DISC1: variants seen among roughly 807,000 people sequenced by gnomAD.
The protein encoded by DISC1 is disrupted in schizophrenia 1 protein.
A neutral mutation model predicts 84.5 loss-of-function variants in DISC1; 57 were observed. That is an observed-to-expected ratio of 0.67 (90% CI 0.55 to 0.84). The LOEUF (loss-of-function observed/expected upper bound fraction) is 0.84. Among genes scored for constraint, DISC1 ranks in the 40% least tolerant of loss-of-function variants. The probability of loss-of-function intolerance (pLI) is 0.00; values close to 1 mark genes in which losing one functional copy is unlikely to be tolerated. For synonymous variants in DISC1, 411 were observed against 415.2 expected (o/e 0.99, Z 0.12); for missense variants, 1,000 against 1,057.8 (o/e 0.95, Z 0.76).
chr1:231,970,150 T>C lies in DISC1; in HGVS notation c.2042+11262T>C, dbSNP rs567129672. Among the ~76,000 whole-genome samples, 3 of 152,312 alleles carry C rather than the reference T, an allele frequency of 2.0e-5. No individual in the cohort carries two copies. In the East Asian group the frequency reaches 5.8e-4, roughly 29 times the overall value. On this transcript the variant is annotated intron_variant, in intron 10 of 12. Coordinates refer to ENST00000439617, the MANE Select transcript of DISC1 (RefSeq NM_018662.3). Reference sequence around the variant, plus strand: ...TGGCTGGGTCAAATGGTATTTCTAGTTCTAGATCCCTGAGGAATTGCCACA... The same window carrying C: ...TGGCTGGGTCAAATGGTATTTCTAGCTCTAGATCCCTGAGGAATTGCCACA...
chr1:231,976,813 A>G (rs1662877664), intron 10 of DISC1, among the ~76,000 whole-genome samples: 1 of 152,246 alleles, frequency 6.6e-6, no homozygotes, highest in African/African-American at 2.4e-5. Context: ...AGACTGATTC[A>G]GACATTTTTC....
intron 9 of DISC1, among the ~76,000 whole-genome samples, chr1:231,861,601 T>G (rs16855292): frequency 0.033 from 5,007 of 152,216 alleles, 127 homozygotes; most frequent in African/African-American, 0.065. Context: ...GTAGCCACTA[T>G]ATCTTGAGTA....
Position 231,698,543 on chromosome 1 carries a change from T to C in DISC1, c.1048-3412T>C, listed in dbSNP as rs1238740667. 6.6e-6 allele frequency among the ~76,000 whole-genome samples: 1 copy of C among 152,164 alleles called. No homozygotes were observed. The highest frequency in any genetic ancestry group is 2.4e-5 in the African/African-American group (1 of 41,424). The stretch of plus-strand genomic sequence containing the variant: ...CAGGGTTGTGGCACAGTGCAAGACA[T>C]GGCCACTGGGGCTGTGCCTCCAGCA... On this transcript the variant is annotated intron_variant, in intron 2 of 12. Coordinates refer to ENST00000439617, the MANE Select transcript of DISC1 (RefSeq NM_018662.3). The surrounding 1 kb of genome is among the most constrained non-coding windows in gnomAD (Gnocchi z 4.9).
chr1:231,702,680 C>A, intron 3 of DISC1: 1 of 880,230 alleles, frequency 1.1e-6, no homozygotes, highest in Non-Finnish European at 1.4e-6. Flanking sequence ...AATGAGGCAC[C>A]AAAATAGAAG....
chr1:232,009,037 T>C lies in DISC1; in HGVS notation c.2295T>C (p.Gly765=), dbSNP rs367543098. 2 of 1,613,764 alleles carry C rather than the reference T, an allele frequency of 1.2e-6. No homozygotes were observed. The highest frequency in any genetic ancestry group is 1.7e-6 in the Non-Finnish European group (2 of 1,179,792). The change falls in exon 11 of 13, where the codon GGT becomes GGC. Residue 765 remains glycine, a synonymous_variant. Transcript: ENST00000439617. This position sits in a 1 kb window ranked among gnomAD's most constrained non-coding sequence, Gnocchi z 4.6. The stretch of plus-strand genomic sequence containing the variant: ...TCCCCTCTCTGCACTGTGCTGGAGG[T>C]GAACAGAAAGAGGTCTGTCCTTTTC... ...HLIPSLHCAG[G]EQKEESYILS... is the part of the protein sequence containing the mutation.
chr1:231,783,167 C>T (rs1283482973), intron 6 of DISC1, among the ~76,000 whole-genome samples: 1 of 152,012 alleles, frequency 6.6e-6, no homozygotes, highest in Non-Finnish European at 1.5e-5. Flanking sequence ...GGGTTGAACT[C>T]ACTTGAGTTT....
chr1:231,704,038 AGG>A (rs2066728196), intron 3 of DISC1, among the ~76,000 whole-genome samples: 1 of 152,188 alleles, frequency 6.6e-6, no homozygotes, highest in Non-Finnish European at 1.5e-5. Context: ...GCATCCTGGT[AGG>A]CACAGGACAC....
chr1:231,881,706 C>G (rs766228176), intron 9 of DISC1, among the ~76,000 whole-genome samples: 1 of 152,176 alleles, frequency 6.6e-6, no homozygotes, highest in Non-Finnish European at 1.5e-5. Context: ...GCAGGTGACT[C>G]TAACTAGTGC....
intron 1 of DISC1, among the ~76,000 whole-genome samples, chr1:231,637,650 C>A (rs531873585): frequency 6.6e-6 from 1 of 151,902 alleles, no homozygotes; most frequent in African/African-American, 2.4e-5. Context: ...CCAGTTCCAT[C>A]GATGTTGTTG....
At chr1:231,667,477 TC>T (rs1401968016) in intron 1 of DISC1, among the ~76,000 whole-genome samples, 1 of 152,210 alleles carries the variant, frequency 6.6e-6, no homozygotes, top group Non-Finnish European at 1.5e-5. Context: ...TGTGTTCACT[TC>T]CCCTGGATGT....
intron 1 of DISC1, among the ~76,000 whole-genome samples, chr1:231,669,114 G>C (rs1193251737): frequency 6.6e-6 from 1 of 152,188 alleles, no homozygotes; most frequent in Non-Finnish European, 1.5e-5. Flanking sequence ...CCTCAAGTTG[G>C]TTGAGAAAGG....
chr1:231,769,989 A>C (rs1489003801), intron 5 of DISC1, among the ~76,000 whole-genome samples: 3 of 152,102 alleles, frequency 2.0e-5, no homozygotes, highest in Non-Finnish European at 4.4e-5. Flanking sequence ...CCAGACTTGA[A>C]GTGGGTTCAG....
intron 9 of DISC1, among the ~76,000 whole-genome samples, chr1:231,846,392 C>A (rs192445560): frequency 4.5e-4 from 69 of 152,328 alleles, no homozygotes; most frequent in Non-Finnish European, 7.5e-4. Context: ...GGGATTTGGA[C>A]CCTGGCCTTC....
At chr1:232,000,556 A>T (rs1666558160) in intron 10 of DISC1, among the ~76,000 whole-genome samples, 1 of 151,410 alleles carries the variant, frequency 6.6e-6, no homozygotes, top group South Asian at 2.1e-4. Context: ...AAGCTCCCCA[A>T]ATTTGGTGAA....
chr1:231,808,102 T>G (rs926601199), intron 8 of DISC1, among the ~76,000 whole-genome samples: 10 of 152,250 alleles, frequency 6.6e-5, no homozygotes, highest in Non-Finnish European at 1.2e-4. Flanking sequence ...CTTGGGTTTT[T>G]CACTCAGACT....
intron 3 of DISC1, among the ~76,000 whole-genome samples, chr1:231,724,509 A>G (rs1430943736): frequency 6.6e-6 from 1 of 152,182 alleles, no homozygotes; most frequent in Non-Finnish European, 1.5e-5. Flanking sequence ...ACCAGCGTAC[A>G]ATAACCGCTG....
intron 1 of DISC1, among the ~76,000 whole-genome samples, chr1:231,689,274 C>T (rs1313454030): frequency 6.6e-6 from 1 of 152,060 alleles, no homozygotes; most frequent in East Asian, 1.9e-4. Context: ...TTCAGGAGAC[C>T]TTAGAATTAT....
At chr1:231,666,517 C>T (rs2062035910) in intron 1 of DISC1, among the ~76,000 whole-genome samples, 1 of 152,080 alleles carries the variant, frequency 6.6e-6, no homozygotes, top group East Asian at 1.9e-4. Context: ...TAGCAAATAC[C>T]TAATCTCATT....
chr1:231,960,417 T>G (rs1447118042), intron 10 of DISC1, among the ~76,000 whole-genome samples: 1 of 152,108 alleles, frequency 6.6e-6, no homozygotes, highest in Admixed American at 6.6e-5. Context: ...CATGCCCGGC[T>G]CATTTTTTTA....
Sources: gnomAD v4.1 joint callset for allele counts (sites outside exome capture counted in the v4.1 genomes callset) on GRCh38, gnomAD v4.1.1 for gene constraint, Gnocchi (gnomAD v3.1) non-coding constraint, MANE v1.5 for transcripts, NCBI Gene and HGNC (gene_info 2026-07-23, HGNC 2026-07-21) for gene names.